NWD2: variants seen among roughly 807,000 people sequenced by gnomAD.
NWD2 encodes NACHT and WD repeat domain containing 2, also known as NACHT and WD repeat domain-containing protein 2.
A neutral mutation model predicts 132.7 loss-of-function variants in NWD2; 37 were observed. That is an observed-to-expected ratio of 0.28 (90% CI 0.21 to 0.37). The LOEUF is 0.37. Ranked by LOEUF, NWD2 falls within the 10% of genes least tolerant of loss-of-function variation. The pLI, the probability that NWD2 is intolerant of heterozygous loss-of-function variation, is 1.00. For synonymous variants in NWD2, 705 were observed against 803.0 expected (o/e 0.88, Z 2.06); for missense variants, 1,592 against 2,122.4 (o/e 0.75, Z 4.91).
At chr4:37,442,892 A>C (rs1302066254) in intron 6 of NWD2, among the ~76,000 whole-genome samples, 3 of 152,032 alleles carry the variant, frequency 2.0e-5, no homozygotes, top group Non-Finnish European at 4.4e-5. Context: ...ACACTTACAA[A>C]GGACCTACTG....
intron 2 of NWD2, among the ~76,000 whole-genome samples, chr4:37,340,953 T>C (rs1384146143): frequency 6.6e-6 from 1 of 152,172 alleles, no homozygotes; most frequent in African/African-American, 2.4e-5. Context: ...CCAAGGTAGT[T>C]TGGCCTGAAT....
intron 1 of NWD2, among the ~76,000 whole-genome samples, chr4:37,322,519 A>G (rs1484546817): frequency 6.6e-6 from 1 of 152,162 alleles, no homozygotes; most frequent in Non-Finnish European, 1.5e-5. Context: ...ATAAACAGGA[A>G]AGTGGTAAGA....
chr4:37,294,454 T>C (rs528431412), intron 1 of NWD2, among the ~76,000 whole-genome samples: 4 of 152,192 alleles, frequency 2.6e-5, no homozygotes, highest in East Asian at 1.9e-4. Flanking sequence ...CCAGAGGCCA[T>C]AGGAGCAGCT....
intron 3 of NWD2, among the ~76,000 whole-genome samples, chr4:37,401,440 G>C (rs910863647): frequency 2.6e-5 from 4 of 152,062 alleles, no homozygotes; most frequent in Admixed American, 2.6e-4. Context: ...TCCCTGTGTG[G>C]TTTACAGACT....
chr4:37,351,430 T>G (rs1406183612), intron 2 of NWD2, among the ~76,000 whole-genome samples: 1 of 152,206 alleles, frequency 6.6e-6, no homozygotes, highest in Non-Finnish European at 1.5e-5. Flanking sequence ...GTCCAGGAAT[T>G]TATCCATTTC....
intron 1 of NWD2, among the ~76,000 whole-genome samples, chr4:37,319,915 C>T (rs1719034679): frequency 6.6e-6 from 1 of 152,092 alleles, no homozygotes; most frequent in African/African-American, 2.4e-5. Flanking sequence ...TGTGATCCCT[C>T]CAAATTTGTT....
Position 37,443,263 on chromosome 4 carries a change from A to G in NWD2, c.1297-22A>G. 6.5e-7 allele frequency: 1 copy of G among 1,535,272 alleles called. No homozygotes were observed. Among genetic ancestry groups the G allele is most frequent in the African/African-American group, 1.4e-5 (1 of 72,732 alleles). ...CCATGTGAATACATATTACCATTCT[A>G]AACTCCACTTTTGTGTTTCAGGCTT... is the stretch of plus-strand genomic sequence containing the variant. On this transcript the variant is annotated intron_variant, in intron 6 of 6. Transcript: ENST00000309447. The surrounding 1 kb of genome is among the most constrained non-coding windows in gnomAD (Gnocchi z 4.1).
At position 37,270,225 on chromosome 4, in the gene NWD2, A is replaced by G. The variant is rs146014659; in HGVS notation, c.151+25007A>G. Among the ~76,000 whole-genome samples the G allele has an allele frequency of 4.7e-3, 711 of 151,978 alleles. 4 individuals carry two copies. The highest frequency in any genetic ancestry group is 5.1e-3 in the Non-Finnish European group (349 of 67,858). ...AACTTGAATAAGGTTAACCATGCTC[A>G]TATCAGGAATAGTTATTAGCGTAAT... is the stretch of plus-strand genomic sequence containing the variant. On this transcript the variant is annotated intron_variant, in intron 1 of 6. Transcript: ENST00000309447.
At chr4:37,400,763 G>A (rs1405026090) in intron 3 of NWD2, among the ~76,000 whole-genome samples, 1 of 152,210 alleles carries the variant, frequency 6.6e-6, no homozygotes, top group African/African-American at 2.4e-5. Context: ...GGAAAAGCCA[G>A]ATGGTCTTTC....
At chr4:37,327,252 AG>A (rs747039068) in intron 2 of NWD2, among the ~76,000 whole-genome samples, 5 of 152,174 alleles carry the variant, frequency 3.3e-5, no homozygotes, top group African/African-American at 7.2e-5. Flanking sequence ...TTTTGTCAAC[AG>A]GGGAAGTCAG....
At chr4:37,257,649 A>G (rs1346409069) in intron 1 of NWD2, among the ~76,000 whole-genome samples, 2 of 152,162 alleles carry the variant, frequency 1.3e-5, no homozygotes, top group Non-Finnish European at 2.9e-5. Context: ...TTCCTTCTTA[A>G]AAAAACTATA....
intron 3 of NWD2, among the ~76,000 whole-genome samples, chr4:37,420,542 G>T (rs1446029373): frequency 6.6e-6 from 1 of 152,162 alleles, no homozygotes; most frequent in Non-Finnish European, 1.5e-5. Context: ...AAATTAGCTG[G>T]TGTGGTGGTG....
rs1264077624 is a variant in NWD2 at position 37,446,856 on chromosome 4, C to T, written c.4868C>T (p.Ala1623Val). 1.9e-6 allele frequency: 3 copies of T among 1,551,628 alleles called. No homozygotes were observed. In the African/African-American group the frequency reaches 4.1e-5, roughly 21 times the overall value. Residue 1623 changes from alanine (A) to valine (V), a missense_variant, in exon 7 of 7, where the codon GCA becomes GTA. By Grantham distance (64) the Ala-to-Val change is moderately conservative. Around this residue, in one of 7 missense-constraint regions of NWD2, gnomAD observed 257 missense variants for 335.0 expected, o/e 0.77. Coordinates refer to ENST00000309447, the MANE Select transcript of NWD2 (RefSeq NM_001144990.2). The surrounding 1 kb of genome is among the most constrained non-coding windows in gnomAD (Gnocchi z 6.7). ...CSLYKTPTFLALSQRHLNIIV... is the reference protein window; with the variant it reads ...CSLYKTPTFLVLSQRHLNIIV... ...CTTTACAAAACACCAACTTTCCTTG[C>T]ACTCTCCCAGAGGCACCTGAACATC...
At chr4:37,327,329 A>T (rs933604962) in intron 2 of NWD2, among the ~76,000 whole-genome samples, 13 of 152,174 alleles carry the variant, frequency 8.5e-5, no homozygotes, top group Non-Finnish European at 1.6e-4. Context: ...GAAAGAGAAA[A>T]AAAGTATACT....
chr4:37,399,099 G>A (rs1451503336), intron 3 of NWD2, among the ~76,000 whole-genome samples: 2 of 152,288 alleles, frequency 1.3e-5, no homozygotes, highest in East Asian at 3.9e-4. Flanking sequence ...CTTTTTAAAT[G>A]GCGGCTTGTG....
At chr4:37,347,725 A>G (rs910617854) in intron 2 of NWD2, among the ~76,000 whole-genome samples, 12 of 152,222 alleles carry the variant, frequency 7.9e-5, no homozygotes, top group Non-Finnish European at 2.9e-5. Flanking sequence ...ATATAATTGT[A>G]TGACATTTAA....
At chr4:37,335,311 G>GA (rs1241388039) in intron 2 of NWD2, among the ~76,000 whole-genome samples, 2 of 120,434 alleles carry the variant, frequency 1.7e-5, no homozygotes, top group East Asian at 6.3e-4. Context: ...GGGGGGGGGG[G>GA]GCTTAAATTG....
intron 3 of NWD2, among the ~76,000 whole-genome samples, chr4:37,374,901 C>T (rs1720314100): frequency 6.6e-6 from 1 of 152,196 alleles, no homozygotes; most frequent in Non-Finnish European, 1.5e-5. Context: ...AGTTTCTCAA[C>T]TGAATGATAT....
intron 3 of NWD2, among the ~76,000 whole-genome samples, chr4:37,361,128 G>A (rs776654864): frequency 2.6e-5 from 4 of 152,026 alleles, no homozygotes; most frequent in Non-Finnish European, 5.9e-5. Flanking sequence ...ATTGAACAAG[G>A]AAGAAACTGA....
Sources: allele counts gnomAD v4.1 joint callset (sites outside exome capture counted in the v4.1 genomes callset), GRCh38; gene constraint gnomAD v4.1.1; regional missense constraint gnomAD v4.1.1; non-coding constraint Gnocchi (gnomAD v3.1); transcripts MANE v1.5; gene names NCBI Gene and HGNC (gene_info 2026-07-23, HGNC 2026-07-21).